The following SLC9C1 variants were observed in gnomAD, a reference collection of about 807,000 sequenced individuals.
The protein encoded by SLC9C1 is solute carrier family 9 member C1, also known as sodium/hydrogen exchanger 10.
A neutral mutation model predicts 140.9 loss-of-function variants in SLC9C1; 97 were observed. The observed-to-expected ratio is 0.69, with a 90% CI of 0.58 to 0.82. The LOEUF is 0.82. SLC9C1 is among the 40% of genes least tolerant of loss of function. The probability of loss-of-function intolerance (pLI) is 0.00; values close to 1 mark genes in which losing one functional copy is unlikely to be tolerated. For synonymous variants in SLC9C1, 440 were observed against 442.6 expected (o/e 0.99, Z 0.07); for missense variants, 1,340 against 1,389.3 (o/e 0.96, Z 0.56).
chr3:112,286,749 G>A lies in SLC9C1; in HGVS notation c.43C>T (p.Leu15Phe). Residue 15 changes from leucine (L) to phenylalanine (F), a missense_variant, in exon 2 of 29, where the codon CTC becomes TTC. By Grantham distance (22) the Leu-to-Phe change is conservative (BLOSUM62 0). Transcript: ENST00000305815. ...GACAATGTTAGAATGACTTCAGGGA[G>A]GTCCTCAGTACTGAAAAAAAACTCC... ...FKEFFFSTED[L>F]PEVILTLSLI... The A allele has an allele frequency of 6.2e-7, 1 of 1,612,840 alleles. No homozygotes were observed. Among genetic ancestry groups the A allele is most frequent in the Non-Finnish European group, 8.5e-7 (1 of 1,179,500 alleles).
At chr3:112,261,781 A>T (rs2079779801) in intron 10 of SLC9C1, among the ~76,000 whole-genome samples, 1 of 152,084 alleles carries the variant, frequency 6.6e-6, no homozygotes, top group Admixed American at 6.6e-5. Flanking sequence ...TATATGCTAA[A>T]CAATGTGCCA....
intron 26 of SLC9C1, among the ~76,000 whole-genome samples, chr3:112,162,519 T>G (rs2075335312): frequency 6.6e-6 from 1 of 152,240 alleles, no homozygotes; most frequent in Non-Finnish European, 1.5e-5. Flanking sequence ...TCTGCATCTA[T>G]TGAGATAATC....
At chr3:112,228,852 G>A (rs1576393548) in intron 13 of SLC9C1, among the ~76,000 whole-genome samples, 1 of 151,980 alleles carries the variant, frequency 6.6e-6, no homozygotes. Context: ...TCCCTGGCTA[G>A]AATACAATGT....
chr3:112,277,831 C>A lies in SLC9C1; in HGVS notation c.348G>T (p.Leu116Phe). The A allele has an allele frequency of 6.3e-7, 1 of 1,599,288 alleles. No homozygotes were observed. Among genetic ancestry groups the A allele is most frequent in the Non-Finnish European group, 8.5e-7 (1 of 1,175,282 alleles). ...QILLISIPGF[L>F]VNYILVLWHL... ...GCCAAAGAACTAAGATATAATTAAC[C>A]AAAAAGCCGGGAATTGAAATTAAAA... Residue 116 changes from leucine (L) to phenylalanine (F), a missense_variant, in exon 5 of 29, where the codon TTG becomes TTT. Coordinates refer to ENST00000305815, the MANE Select transcript of SLC9C1 (RefSeq NM_183061.3).
chr3:112,207,485 A>G (rs931848808), intron 16 of SLC9C1, among the ~76,000 whole-genome samples: 1 of 152,134 alleles, frequency 6.6e-6, no homozygotes, highest in African/African-American at 2.4e-5. Flanking sequence ...GCCCTTTATT[A>G]TTTAATTCAC....
At chr3:112,141,397 C>T in intron 28 of SLC9C1, 116 bp from the exon 29 acceptor site, 1 of 1,048,714 alleles carries the variant, frequency 9.5e-7, no homozygotes. Context: ...ATAAGACACA[C>T]TTGGTCATTT....
At chr3:112,285,074 C>T (rs1204701903) in intron 2 of SLC9C1, among the ~76,000 whole-genome samples, 3 of 147,008 alleles carry the variant, frequency 2.0e-5, no homozygotes, top group Admixed American at 7.0e-5. Flanking sequence ...GCAAGCTCCG[C>T]CTCCTGGGTT....
chr3:112,226,626 G>A (rs1278939698), intron 13 of SLC9C1, among the ~76,000 whole-genome samples: 1 of 152,108 alleles, frequency 6.6e-6, no homozygotes. Flanking sequence ...GGAGGCTGAT[G>A]TAGGAGAATT....
In SLC9C1 at chr3:112,208,268, C is replaced by A. The variant is rs77616628; in HGVS notation, c.1896G>T (p.Trp632Cys). The change falls in exon 16 of 29, where the codon TGG becomes TGT. Residue 632 changes from tryptophan (W) to cysteine (C), a missense_variant. Physicochemically the swap from Trp to Cys is radical, Grantham distance 215. Coordinates refer to ENST00000305815, the MANE Select transcript of SLC9C1 (RefSeq NM_183061.3). Reference protein sequence around the residue: ...LMNIFPFIISWISQLNVIYHS... With the variant: ...LMNIFPFIISCISQLNVIYHS... Reference sequence around the variant, plus strand: ...GGTAGATTACATTTAACTGGGATATCCAAGAGATTATAAAGGGAAATATAT... The same window carrying A: ...GGTAGATTACATTTAACTGGGATATACAAGAGATTATAAAGGGAAATATAT... 2.1e-4 allele frequency: 331 copies of A among 1,611,056 alleles called. 1 individual carries two copies. Among genetic ancestry groups the A allele is most frequent in the Non-Finnish European group, 2.7e-4 (324 of 1,178,226 alleles).
intron 18 of SLC9C1, 96 bp downstream of exon 18, chr3:112,202,154 G>T: frequency 7.4e-7 from 1 of 1,343,474 alleles, no homozygotes; most frequent in Admixed American, 2.3e-5. Context: ...AAAACCAGGA[G>T]TCAAAGACAT....
Position 112,240,124 on chromosome 3 carries a change from A to G in SLC9C1, c.1280-118T>C, listed in dbSNP as rs2079101619. The G allele has an allele frequency of 2.0e-5, 19 of 959,370 alleles. 1 individual carries two copies. The South Asian group carries it at 3.0e-4, about 15-fold the overall frequency. 59.4% of individuals were successfully genotyped at this position (959,370 alleles called of 1,614,324 possible). On this transcript the variant is annotated intron_variant, in intron 11 of 28. Transcript: ENST00000305815. ...TAATCTTTAAATAAAATTTCAACATAAACTGTTTAATAATGGGAATACTAA... is the reference window on the plus strand; with the variant it reads ...TAATCTTTAAATAAAATTTCAACATGAACTGTTTAATAATGGGAATACTAA...
At chr3:112,181,901 ATAGAG>A (rs1312339519) in intron 21 of SLC9C1, among the ~76,000 whole-genome samples, 2 of 152,232 alleles carry the variant, frequency 1.3e-5, no homozygotes, top group Non-Finnish European at 2.9e-5. Flanking sequence ...TTCAGTATAA[ATAGAG>A]TATAGAGGAT....
chr3:112,230,812 G>A (rs2078801210), intron 13 of SLC9C1, among the ~76,000 whole-genome samples: 2 of 152,132 alleles, frequency 1.3e-5, no homozygotes, highest in South Asian at 4.1e-4. Flanking sequence ...TAGCCTATTA[G>A]CAATTTCCAA....
At chr3:112,194,518 C>A (rs2077730254) in intron 20 of SLC9C1, among the ~76,000 whole-genome samples, 1 of 152,112 alleles carries the variant, frequency 6.6e-6, no homozygotes, top group African/African-American at 2.4e-5. Context: ...CTCTAGTGTG[C>A]CATCTTGCCT....
chr3:112,266,224 T>C lies in SLC9C1; in HGVS notation c.878+14A>G, dbSNP rs773354396. The C allele has an allele frequency of 9.1e-6, 14 of 1,540,488 alleles. No homozygotes were observed. The highest frequency in any genetic ancestry group is 1.2e-5 in the Non-Finnish European group (13 of 1,117,682). ...CAGTGTATGAAATAAAGTCAAAATA[T>C]GCTATCCACTTACTCAAGAAGAAGT... On this transcript the variant is annotated intron_variant, in intron 8 of 28. Coordinates refer to ENST00000305815, the MANE Select transcript of SLC9C1 (RefSeq NM_183061.3).
At chr3:112,145,905 A>T (rs1408207634) in intron 28 of SLC9C1, among the ~76,000 whole-genome samples, 2 of 152,104 alleles carry the variant, frequency 1.3e-5, no homozygotes, top group African/African-American at 4.8e-5. Flanking sequence ...TTCCCTGCCC[A>T]AGCTGTCTTC....
chr3:112,157,767 T>A (rs1475409957), intron 26 of SLC9C1, among the ~76,000 whole-genome samples: 1 of 151,824 alleles, frequency 6.6e-6, no homozygotes, highest in Non-Finnish European at 1.5e-5. Flanking sequence ...CTAGGTATTT[T>A]TTTTTTTGTA....
intron 20 of SLC9C1, among the ~76,000 whole-genome samples, chr3:112,195,810 C>A (rs1249564338): frequency 6.6e-6 from 1 of 151,898 alleles, no homozygotes; most frequent in Non-Finnish European, 1.5e-5. Context: ...CATTGTGTGT[C>A]CAAAAACATG....
At chr3:112,264,077 T>C (rs1185169174) in intron 9 of SLC9C1, 123 bp downstream of exon 9, 1 of 459,898 alleles carries the variant, frequency 2.2e-6, no homozygotes. Flanking sequence ...TATTTGCTGA[T>C]GATCCTTGGA....
Sources: gnomAD v4.1 joint callset for allele counts (sites outside exome capture counted in the v4.1 genomes callset) on GRCh38, gnomAD v4.1.1 for gene constraint, MANE v1.5 for transcripts, NCBI Gene and HGNC (gene_info 2026-07-23, HGNC 2026-07-21) for gene names.